The following ZYG11B variants were observed in gnomAD, a reference collection of about 807,000 sequenced individuals.
ZYG11B encodes the protein zyg-11 family member B, cell cycle regulator, also known as protein zyg-11 homolog B.
A neutral mutation model predicts 82.4 loss-of-function variants in ZYG11B; 36 were observed. The ratio of observed to expected loss-of-function variants is 0.44; its 90% CI spans 0.33 to 0.58. ZYG11B has a LOEUF of 0.58. Ranked by LOEUF, ZYG11B falls within the 20% of genes least tolerant of loss-of-function variation. The pLI, the probability that ZYG11B is intolerant of heterozygous loss-of-function variation, is 0.02. For missense variants in ZYG11B, 552 were observed against 895.6 expected, an observed-to-expected ratio of 0.62 and a Z score of 4.90; for synonymous variants, 303 against 312.8, an observed-to-expected ratio of 0.97 and a Z score of 0.33.
At chr1:52,796,217 C>G in intron 6 of ZYG11B, 75 bp from the exon 7 acceptor site, 5 of 1,050,876 alleles carry the variant, frequency 4.8e-6, no homozygotes, top group Non-Finnish European at 4.4e-6. Context: ...GTTGTAGCAT[C>G]AGTTCCTAGC....
chr1:52,800,196 A>G (rs1290687345), intron 8 of ZYG11B, among the ~76,000 whole-genome samples: 1 of 151,398 alleles, frequency 6.6e-6, no homozygotes, highest in African/African-American at 2.4e-5. Context: ...GGATCGCTTG[A>G]GCTTGGGAGT....
intron 13 of ZYG11B, 131 bp from the exon 14 acceptor site, chr1:52,821,308 A>G (rs1645281233): frequency 1.3e-6 from 1 of 788,620 alleles, no homozygotes; most frequent in Admixed American, 2.9e-5. Context: ...AAGCTGTAGC[A>G]TGTTAGTGAT....
intron 3 of ZYG11B, among the ~76,000 whole-genome samples, chr1:52,778,914 A>C (rs968149518): frequency 3.3e-5 from 5 of 152,164 alleles, no homozygotes; most frequent in Admixed American, 3.3e-4. Context: ...TTATGGAGAA[A>C]GTATTCTGAG....
intron 8 of ZYG11B, 127 bp from the exon 9 acceptor site, chr1:52,801,692 A>T (rs374575193): frequency 4.2e-6 from 3 of 721,724 alleles, no homozygotes; most frequent in Non-Finnish European, 6.6e-6. Context: ...GCTGTTTGTT[A>T]TAAGTACCTT....
intron 1 of ZYG11B, among the ~76,000 whole-genome samples, chr1:52,734,480 A>AAAAAAAT (rs1279493296): frequency 6.6e-6 from 1 of 151,652 alleles, no homozygotes; most frequent in Non-Finnish European, 1.5e-5. Flanking sequence ...GCCATCTCAA[A>AAAAAAAT]AAAAAATAAA....
rs927565739 is a variant in ZYG11B at position 52,754,234 on chromosome 1, A to C, written c.31-2224A>C. On this transcript the variant is annotated intron_variant, in intron 1 of 13. Coordinates refer to ENST00000294353, the MANE Select transcript of ZYG11B (RefSeq NM_024646.3). ...GAGACGAGGCTTCACCATGTTGGCC[A>C]GGCTGGTCTTGAACTCCTGACCTCA... The C allele has an allele frequency of 5.3e-4, 80 of 152,310 alleles. 1 individual carries two copies. The highest frequency in any genetic ancestry group is 1.8e-3 in the African/African-American group (74 of 41,526). The allele number at this position is 152,310 out of a possible 1,614,324, so 9.4% of individuals were successfully genotyped here.
intron 13 of ZYG11B, among the ~76,000 whole-genome samples, chr1:52,819,294 C>T (rs1404262042): frequency 2.0e-5 from 3 of 152,160 alleles, no homozygotes; most frequent in Non-Finnish European, 2.9e-5. Flanking sequence ...CGAAAACTGC[C>T]TCTTTAGCTA....
chr1:52,817,840 T>A (rs1455227548), intron 13 of ZYG11B, among the ~76,000 whole-genome samples: 7 of 38,132 alleles, frequency 1.8e-4, no homozygotes, highest in Admixed American at 4.5e-4. Context: ...TTTTTTTTTT[T>A]TTTTTTTTTT....
intron 1 of ZYG11B, among the ~76,000 whole-genome samples, chr1:52,733,145 T>C (rs1325596029): frequency 2.6e-5 from 4 of 152,202 alleles, no homozygotes; most frequent in Non-Finnish European, 4.4e-5. Context: ...TTTCAGAGTA[T>C]CTTGCATTGA....
chr1:52,745,106 T>G (rs2149923528), intron 1 of ZYG11B, among the ~76,000 whole-genome samples: 1 of 152,332 alleles, frequency 6.6e-6, no homozygotes, highest in South Asian at 2.1e-4. Context: ...GAAATGCTTC[T>G]TTGCCATGGC....
chr1:52,758,198 C>CAAAA (rs11325463), intron 2 of ZYG11B, among the ~76,000 whole-genome samples: 1 of 66,472 alleles, frequency 1.5e-5, no homozygotes, highest in African/African-American at 4.5e-5. Context: ...GACTCTGTCT[C>CAAAA]AAAAAAAAAA....
intron 1 of ZYG11B, among the ~76,000 whole-genome samples, chr1:52,731,418 A>G (rs552253090): frequency 6.6e-6 from 1 of 152,234 alleles, no homozygotes; most frequent in Non-Finnish European, 1.5e-5. Context: ...CGCTGTCCAA[A>G]AAACCTAGGT....
intron 1 of ZYG11B, among the ~76,000 whole-genome samples, chr1:52,743,149 ATTGT>A (rs1644447629): frequency 6.6e-6 from 1 of 152,044 alleles, no homozygotes; most frequent in East Asian, 1.9e-4. Context: ...GAGAAATCAG[ATTGT>A]TGCTGTGTCT....
At chr1:52,783,851 C>CGTGTGCGTATGTACATACAA (rs1558132625) in intron 4 of ZYG11B, among the ~76,000 whole-genome samples, 1 of 51,950 alleles carries the variant, frequency 1.9e-5, no homozygotes, top group African/African-American at 8.5e-5. Context: ...TGTACATACA[C>CGTGTGCGTATGTACATACAA]GTGTGTGTGT....
chr1:52,797,237 A>G (rs1467105522), intron 8 of ZYG11B, among the ~76,000 whole-genome samples: 2 of 81,620 alleles, frequency 2.5e-5, no homozygotes, highest in African/African-American at 5.0e-5. Context: ...TATATAATAT[A>G]AATTTGTATA....
chr1:52,735,394 A>AT (rs1261750627), intron 1 of ZYG11B, among the ~76,000 whole-genome samples: 2 of 152,188 alleles, frequency 1.3e-5, no homozygotes, highest in African/African-American at 4.8e-5. Flanking sequence ...TTCTTTGACA[A>AT]ACTTAATGCT....
At chr1:52,806,444 G>A (rs1645142289) in intron 10 of ZYG11B, among the ~76,000 whole-genome samples, 2 of 152,154 alleles carry the variant, frequency 1.3e-5, no homozygotes, top group Admixed American at 6.6e-5. Context: ...AATTGTAGAT[G>A]TATGTTTCTC....
At chr1:52,742,448 T>C (rs1308970797) in intron 1 of ZYG11B, among the ~76,000 whole-genome samples, 2 of 151,836 alleles carry the variant, frequency 1.3e-5, no homozygotes, top group Non-Finnish European at 2.9e-5. Flanking sequence ...CAAGACCCTG[T>C]CTCTAAAAAA....
intron 1 of ZYG11B, among the ~76,000 whole-genome samples, chr1:52,743,302 C>T (rs554042898): frequency 1.2e-3 from 185 of 148,140 alleles, no homozygotes; most frequent in African/African-American, 4.4e-3. Flanking sequence ...ACCAGAGACC[C>T]TTGTTCACTT....
Sources: allele counts gnomAD v4.1 joint callset (sites outside exome capture counted in the v4.1 genomes callset), GRCh38; gene constraint gnomAD v4.1.1; transcripts MANE v1.5; gene names NCBI Gene and HGNC (gene_info 2026-07-23, HGNC 2026-07-21).